Variants in GRIP1 observed in about 807,000 individuals in gnomAD.
The protein encoded by GRIP1 is glutamate receptor-interacting protein 1.
In GRIP1, 45 loss-of-function variants were observed where a neutral mutation model predicts 129.9. That is an observed-to-expected ratio of 0.35 (90% CI 0.27 to 0.44). GRIP1 has a LOEUF of 0.44. Ranked by LOEUF, GRIP1 falls within the 20% of genes least tolerant of loss-of-function variation. GRIP1 has a pLI of 1.00. For missense variants in GRIP1, 1,196 were observed against 1,396.8 expected (o/e 0.86, Z 2.29); for synonymous variants, 530 against 520.8 (o/e 1.02, Z -0.24).
chr12:66,543,505 A>G (rs895530590), intron 2 of GRIP1, among the ~76,000 whole-genome samples: 4 of 152,150 alleles, frequency 2.6e-5, no homozygotes, highest in African/African-American at 9.7e-5. Context: ...TCTGTAACAA[A>G]ATTCTATCAC....
At chr12:66,679,656 A>G (rs2034507538), upstream of GRIP1, among the ~76,000 whole-genome samples, 2 of 152,132 alleles carry the variant, frequency 1.3e-5, no homozygotes, top group Non-Finnish European at 2.9e-5. Flanking sequence ...AGGCAGATGG[A>G]GTCCCAGCCC....
intron 2 of GRIP1, among the ~76,000 whole-genome samples, chr12:66,565,555 C>A (rs367966388): frequency 6.6e-6 from 1 of 152,046 alleles, no homozygotes; most frequent in Non-Finnish European, 1.5e-5. Context: ...AGTCAGGTAG[C>A]GTGATGCCTC....
At chr12:66,580,639 C>T in intron 2 of GRIP1, among the ~76,000 whole-genome samples, 1 of 147,168 alleles carries the variant, frequency 6.8e-6, no homozygotes, top group East Asian at 2.0e-4. Context: ...TTTAAACCAA[C>T]AAAGATCAAA....
Position 66,429,370 on chromosome 12 carries a change from T to C in GRIP1, c.1768+3178A>G, listed in dbSNP as rs142554402. On this transcript the variant is annotated intron_variant, in intron 14 of 24. Transcript: ENST00000359742. ...AGAGGGTTCCCAGATTTCCTTCTTA[T>C]GTTGGCACTAGATTTTGTGGGCTGG... Among the ~76,000 whole-genome samples the C allele has an allele frequency of 2.6e-4, 39 of 152,272 alleles. 2 individuals carry two copies. The South Asian group carries it at 6.0e-3, about 23-fold the overall frequency.
At chr12:66,757,189 C>A (rs377692672) in intron 1 of GRIP1, among the ~76,000 whole-genome samples, 12 of 152,046 alleles carry the variant, frequency 7.9e-5, no homozygotes, top group African/African-American at 2.7e-4. Flanking sequence ...AGATCTTATT[C>A]ATGTATTTAA....
At chr12:66,995,110 C>T (rs1052191958) in intron 1 of GRIP1, among the ~76,000 whole-genome samples, 1 of 151,054 alleles carries the variant, frequency 6.6e-6, no homozygotes, top group African/African-American at 2.4e-5. Context: ...GTAATTTCAA[C>T]AAATGGTTCT....
intron 16 of GRIP1, among the ~76,000 whole-genome samples, chr12:66,396,196 C>T (rs2056781463): frequency 6.6e-6 from 1 of 152,186 alleles, no homozygotes; most frequent in Non-Finnish European, 1.5e-5. Context: ...GACCTTGACC[C>T]CTTATTGCTC....
At position 66,585,530 on chromosome 12, in the gene GRIP1, C is replaced by T. The variant is rs909388675; in HGVS notation, c.136+11317G>A. Among the ~76,000 whole-genome samples, 27 of 140,792 alleles carry T rather than the reference C, an allele frequency of 1.9e-4. 1 individual carries two copies. Among genetic ancestry groups the T allele is most frequent in the African/African-American group, 6.0e-4 (23 of 38,232 alleles). The allele number at this position is 140,792 out of a possible 152,430, so 92.4% of individuals were successfully genotyped here. A position where few individuals can be genotyped will look rare whatever the true frequency, so the allele number is the denominator to read the frequency against. ...TTGGACATTTGGGTTGGTTGCAAGT[C>T]TTTGCTATTGTGAATAATGCCGCAA... On this transcript the variant is annotated intron_variant, in intron 2 of 24. Coordinates refer to ENST00000359742, the MANE Select transcript of GRIP1 (RefSeq NM_001366722.1).
chr12:66,696,625 A>T (rs931736329), intron 1 of GRIP1, among the ~76,000 whole-genome samples: 2 of 151,712 alleles, frequency 1.3e-5, no homozygotes, highest in Non-Finnish European at 2.9e-5. Context: ...TACTAAAAAA[A>T]ACAAAAAACA....
At chr12:66,955,938 T>C (rs901808891) in intron 1 of GRIP1, among the ~76,000 whole-genome samples, 2 of 152,232 alleles carry the variant, frequency 1.3e-5, no homozygotes, top group Non-Finnish European at 2.9e-5. Context: ...ATTAATGCTA[T>C]TATATATCCT....
Position 67,050,223 on chromosome 12 carries a change from C to T in GRIP1, c.58+18827G>A, listed in dbSNP as rs150870991. Among the ~76,000 whole-genome samples, 640 of 152,212 alleles carry T rather than the reference C, an allele frequency of 4.2e-3. 2 individuals carry two copies. Among genetic ancestry groups the T allele is most frequent in the African/African-American group, 0.014 (601 of 41,548 alleles). On this transcript the variant is annotated intron_variant, in intron 1 of 1. Transcript: ENST00000643019. ...TGTATAGAAATATTAAATCTTCACG[C>T]AACTTATCCTATTTTCTATTTTTTT...
chr12:66,423,359 G>A (rs1368099725), intron 14 of GRIP1, among the ~76,000 whole-genome samples: 1 of 152,204 alleles, frequency 6.6e-6, no homozygotes, highest in Non-Finnish European at 1.5e-5. Flanking sequence ...TTACATAAAT[G>A]TTTATTGTTG....
intron 1 of GRIP1, among the ~76,000 whole-genome samples, chr12:66,766,638 TG>T (rs1168551460): frequency 2.0e-5 from 3 of 152,170 alleles, no homozygotes; most frequent in African/African-American, 4.8e-5. Flanking sequence ...GAGCGCTGCA[TG>T]GGTGGCCTTC....
intron 1 of GRIP1, among the ~76,000 whole-genome samples, chr12:66,811,604 TTCTC>T (rs749619457): frequency 5.3e-5 from 8 of 150,958 alleles, no homozygotes; most frequent in Admixed American, 4.0e-4. Context: ...CTCTCTCTGA[TTCTC>T]TCTCTCTCTC....
upstream of GRIP1, among the ~76,000 whole-genome samples, chr12:66,682,721 C>A (rs2034632702): frequency 6.6e-6 from 1 of 152,026 alleles, no homozygotes; most frequent in South Asian, 2.1e-4. Flanking sequence ...TCATCATAAA[C>A]CAAAAATGTT....
At chr12:66,693,011 T>C (rs1252711283) in intron 1 of GRIP1, among the ~76,000 whole-genome samples, 1 of 152,182 alleles carries the variant, frequency 6.6e-6, no homozygotes, top group Non-Finnish European at 1.5e-5. Context: ...TTACAGGAGT[T>C]ATGAATAAAG....
In GRIP1 at chr12:66,542,015, C is replaced by T. The variant is rs962894243; in HGVS notation, c.137-65G>A. The T allele has an allele frequency of 4.2e-6, 6 of 1,435,870 alleles. No individual in the cohort carries two copies. In the Admixed American group the frequency reaches 1.0e-4, roughly 24 times the overall value. 88.9% of individuals were successfully genotyped at this position (1,435,870 alleles called of 1,614,324 possible). A position where few individuals can be genotyped will look rare whatever the true frequency, so the allele number is the denominator to read the frequency against. On this transcript the variant is annotated intron_variant, in intron 2 of 24. Transcript: ENST00000359742. Reference sequence around the variant, plus strand: ...AGAATCACCAATGTCATTTCTCCTCCCCAGAAGTTCTTTCCACTTTTTCTT... The same window carrying T: ...AGAATCACCAATGTCATTTCTCCTCTCCAGAAGTTCTTTCCACTTTTTCTT...
rs998343100 is a variant in GRIP1, at chr12:67,007,937, C to CA, written c.58+61112dup. ...TGTATAAGGATAAATTTAACAACAACAAAAAAAAATCATGGCATATTCAGC... is the reference window on the plus strand; with the variant it reads ...TGTATAAGGATAAATTTAACAACAACAAAAAAAAAATCATGGCATATTCAGC... On this transcript the variant is annotated intron_variant, in intron 1 of 1. Coordinates refer to the GRIP1 transcript ENST00000643019. Among the ~76,000 whole-genome samples the CA allele has an allele frequency of 6.8e-3, 1,030 of 150,732 alleles. 13 individuals are homozygous for CA. The highest frequency in any genetic ancestry group is 0.024 in the African/African-American group (979 of 41,172).
chr12:66,804,435 T>A (rs1481013230), upstream of GRIP1, among the ~76,000 whole-genome samples: 21 of 151,448 alleles, frequency 1.4e-4, no homozygotes, highest in Non-Finnish European at 2.1e-4. Flanking sequence ...CTGTAATTTT[T>A]TTAAAAAAAA....
Sources: gnomAD v4.1 joint callset for allele counts (sites outside exome capture counted in the v4.1 genomes callset) on GRCh38, gnomAD v4.1.1 for gene constraint, MANE v1.5 for transcripts, NCBI Gene and HGNC (gene_info 2026-07-23, HGNC 2026-07-21) for gene names.